Variants in COLEC11 observed in about 807,000 individuals in gnomAD.
COLEC11 encodes the protein collectin subfamily member 11, also known as collectin-11.
A neutral mutation model predicts 27.3 loss-of-function variants in COLEC11; 20 were observed. That is an observed-to-expected ratio of 0.73 (90% CI 0.51 to 1.06). The LOEUF (loss-of-function observed/expected upper bound fraction) is 1.06. Among genes scored for constraint, COLEC11 ranks in the 50% least tolerant of loss-of-function variants. COLEC11 has a pLI of 0.00. For synonymous variants in COLEC11, 163 were observed against 154.7 expected (o/e 1.05, Z -0.40); for missense variants, 310 against 383.0 (o/e 0.81, Z 1.59).
Position 3,610,007 on chromosome 2 carries a change from A to C in COLEC11, c.131-3304A>C, listed in dbSNP as rs556413456. 2.4e-4 allele frequency among the ~76,000 whole-genome samples: 36 copies of C among 152,394 alleles called. No individual in the cohort carries two copies. The South Asian group carries it at 7.0e-3, about 30-fold the overall frequency. ...AGATTAGAGACAGGCAGATGGATGC[A>C]GGTGGAGGTTGGTCAGAAGCTATCA... On this transcript the variant is annotated intron_variant, in intron 2 of 6. Transcript: ENST00000349077.
At chr2:3,615,536 T>A (rs922609963) in intron 3 of COLEC11, among the ~76,000 whole-genome samples, 4 of 152,362 alleles carry the variant, frequency 2.6e-5, no homozygotes, top group East Asian at 1.9e-4. Flanking sequence ...CATGTCTACT[T>A]CTTTCTACAC....
rs1338974754 is a variant in COLEC11 at position 3,644,501 on chromosome 2, A to G, written c.*383A>G. ...TGAATTACTACCTTTTAATTTCTAT[A>G]TGGAAAAGAACTCACTTTGACCAAC... On this transcript the variant is annotated 3_prime_UTR_variant, in exon 7 of 7. Coordinates refer to ENST00000349077, the MANE Select transcript of COLEC11 (RefSeq NM_024027.5). 8.5e-6 allele frequency: 4 copies of G among 472,206 alleles called. No individual in the cohort carries two copies. The highest frequency in any genetic ancestry group is 1.7e-5 in the Non-Finnish European group (4 of 239,850). The allele number at this position is 472,206 out of a possible 1,614,324, so 29.3% of individuals were successfully genotyped here.
rs1463464348 is a variant in COLEC11, at chr2:3,640,275, C to T, written c.275-3C>T. The T allele has an allele frequency of 3.8e-6, 6 of 1,591,086 alleles. No homozygotes were observed. The highest frequency in any genetic ancestry group is 5.2e-6 in the Non-Finnish European group (6 of 1,159,218). On this transcript the variant is annotated splice_region_variant and splice_polypyrimidine_tract_variant and intron_variant, in intron 4 of 6. Coordinates refer to ENST00000349077, the MANE Select transcript of COLEC11 (RefSeq NM_024027.5). The stretch of plus-strand genomic sequence containing the variant: ...TGACTTGGACCTTGTTTTTTATTTT[C>T]AGGTGAGAAAGGAGATTCCGGTGAC...
chr2:3,637,279 C>G (rs1414757086), intron 3 of COLEC11, among the ~76,000 whole-genome samples: 4 of 152,186 alleles, frequency 2.6e-5, no homozygotes, highest in Non-Finnish European at 2.9e-5. Context: ...GTGCCCCGTT[C>G]AGCCCCTCCA....
At chr2:3,603,302 G>A (rs959674080) in intron 1 of COLEC11, 15 of 178,558 alleles carry the variant, frequency 8.4e-5, no homozygotes, top group East Asian at 1.5e-4. Context: ...TTTGTTTTCC[G>A]AGTTTTATTT....
At chr2:3,601,843 G>A (rs924209028) in intron 1 of COLEC11, 3 of 152,244 alleles carry the variant, frequency 2.0e-5, no homozygotes, top group African/African-American at 7.2e-5. Context: ...AATGTTCATG[G>A]CAGTAACCCT....
rs562198101 is a variant in COLEC11, at chr2:3,601,731, G to A, written c.-26-2584G>A. Among the ~76,000 whole-genome samples the A allele has an allele frequency of 2.4e-4, 37 of 152,256 alleles. 2 individuals carry two copies. The Middle Eastern group carries it at 0.014, about 56-fold the overall frequency. On this transcript the variant is annotated intron_variant, in intron 1 of 6. Coordinates refer to ENST00000349077, the MANE Select transcript of COLEC11 (RefSeq NM_024027.5). ...TTCGGCAAGTGAAGCTCTCCCACGC[G>A]CGTGCCCAAGCCCTGGCTCCGCCCT... is the stretch of plus-strand genomic sequence containing the variant.
chr2:3,612,216 ACACACG>A (rs1410794064), intron 2 of COLEC11, among the ~76,000 whole-genome samples: 1 of 148,116 alleles, frequency 6.8e-6, no homozygotes, highest in Non-Finnish European at 1.5e-5. Context: ...GCACATGCGG[ACACACG>A]CACACACATG....
rs370178695 is a variant in COLEC11 at position 3,643,440 on chromosome 2, G to A, written c.329-4G>A. 3.1e-6 allele frequency: 5 copies of A among 1,612,684 alleles called. No individual in the cohort carries two copies. The South Asian group carries it at 3.3e-5, about 11-fold the overall frequency. The stretch of plus-strand genomic sequence containing the variant: ...TTTGTAACGCGTGGGCCTGGCCCCC[G>A]CAGGCCTCCCATGTGAGTGCAGCCA... On this transcript the variant is annotated splice_polypyrimidine_tract_variant and splice_region_variant and intron_variant, in intron 5 of 6. Coordinates refer to ENST00000349077, the MANE Select transcript of COLEC11 (RefSeq NM_024027.5).
rs181621694 is a variant in COLEC11, at chr2:3,637,669, G to C, written c.274+65G>C. The C allele has an allele frequency of 3.2e-6, 4 of 1,233,098 alleles. No homozygotes were observed. The Admixed American group carries it at 5.1e-5, about 16-fold the overall frequency. 76.4% of individuals were successfully genotyped at this position (1,233,098 alleles called of 1,614,324 possible). A position where few individuals can be genotyped will look rare whatever the true frequency, so the allele number is the denominator to read the frequency against. On this transcript the variant is annotated intron_variant, in intron 4 of 6. Coordinates refer to ENST00000349077, the MANE Select transcript of COLEC11 (RefSeq NM_024027.5). ...CCTAGGGTCAGCGTCTGGATACCCT[G>C]AGAATAATTGTAGCCTGAATTGTCT... is the stretch of plus-strand genomic sequence containing the variant.
chr2:3,616,394 A>G (rs970288067), intron 3 of COLEC11, among the ~76,000 whole-genome samples: 53 of 151,858 alleles, frequency 3.5e-4, no homozygotes, highest in African/African-American at 1.3e-3. Context: ...GCACTTTGGG[A>G]GGCCAAGGCA....
In COLEC11 at chr2:3,643,859, A is replaced by G. The variant is rs1666074592; in HGVS notation, c.557A>G (p.Asn186Ser). Reference protein sequence around the residue: ...TLSMPKDEAANGLMAAYLAQA... With the variant: ...TLSMPKDEAASGLMAAYLAQA... ...AGCATGCCCAAGGACGAGGCTGCCA[A>G]TGGCCTGATGGCCGCATACCTGGCG... The change falls in exon 7 of 7, where the codon AAT (asparagine) becomes AGT (serine). Residue 186 changes from asparagine (N) to serine (S), a missense_variant. Coordinates refer to ENST00000349077, the MANE Select transcript of COLEC11 (RefSeq NM_024027.5). 1.2e-6 allele frequency: 2 copies of G among 1,613,644 alleles called. No homozygotes were observed. Among genetic ancestry groups the G allele is most frequent in the Non-Finnish European group, 1.7e-6 (2 of 1,179,996 alleles).
chr2:3,595,370 G>A (rs2147833783), intron 1 of COLEC11, among the ~76,000 whole-genome samples: 1 of 152,356 alleles, frequency 6.6e-6, no homozygotes, highest in South Asian at 2.1e-4. Flanking sequence ...AGTTCATGGC[G>A]GAAATTCGTG....
rs140226372 is a variant in COLEC11, at chr2:3,644,045, C to T, written c.743C>T (p.Ser248Leu). 18 of 1,613,604 alleles carry T rather than the reference C, an allele frequency of 1.1e-5. No homozygotes were observed. The highest frequency in any genetic ancestry group is 1.3e-5 in the Non-Finnish European group (15 of 1,180,050). Residue 248 changes from serine (S) to leucine (L), a missense_variant, in exon 7 of 7, where the codon TCG becomes TTG. Ser to Leu is a moderately radical substitution (Grantham distance 145, BLOSUM62 -2). Coordinates refer to ENST00000349077, the MANE Select transcript of COLEC11 (RefSeq NM_024027.5). Reference sequence around the variant, plus strand: ...GAGGACTGCGTGGAGATGGTGGCCTCGGGCGGCTGGAACGACGTGGCCTGC... The same window carrying T: ...GAGGACTGCGTGGAGATGGTGGCCTTGGGCGGCTGGAACGACGTGGCCTGC... ...DEEDCVEMVA[S>L]GGWNDVACHT...
chr2:3,628,668 T>G lies in COLEC11; in HGVS notation c.203-8865T>G, dbSNP rs566153026. Among the ~76,000 whole-genome samples the G allele has an allele frequency of 3.9e-5, 6 of 152,340 alleles. No homozygotes were observed. In the East Asian group the frequency reaches 1.2e-3, roughly 29 times the overall value. On this transcript the variant is annotated intron_variant, in intron 3 of 6. Coordinates refer to ENST00000349077, the MANE Select transcript of COLEC11 (RefSeq NM_024027.5). ...TGCGGTTGGATGGCCTATTCTGAGA[T>G]AAAAAGCCAGGCCATGGCCCAGAGA...
At chr2:3,642,124 CTT>C (rs1283526465) in intron 5 of COLEC11, among the ~76,000 whole-genome samples, 1 of 152,176 alleles carries the variant, frequency 6.6e-6, no homozygotes, top group African/African-American at 2.4e-5. Flanking sequence ...CGAGAGAAGA[CTT>C]AGGACAGCTG....
intron 3 of COLEC11, among the ~76,000 whole-genome samples, chr2:3,623,659 A>ATTT (rs1664330213): frequency 6.6e-6 from 1 of 150,724 alleles, no homozygotes; most frequent in African/African-American, 2.4e-5. Context: ...TCTTTTTTTA[A>ATTT]AAAAAAATCT....
chr2:3,643,671 T>G, intron 6 of COLEC11, 56 bp from the exon 7 acceptor site: 3 of 1,612,400 alleles, frequency 1.9e-6, no homozygotes, highest in Non-Finnish European at 2.5e-6. Context: ...TGGCTGTGCC[T>G]TAAGTTTGTT....
chr2:3,624,445 T>C (rs1664387622), intron 3 of COLEC11, among the ~76,000 whole-genome samples: 1 of 152,200 alleles, frequency 6.6e-6, no homozygotes, highest in Admixed American at 6.5e-5. Flanking sequence ...TTCTCCTCCA[T>C]GTCAGTCACC....
Sources: gnomAD v4.1 joint callset for allele counts (sites outside exome capture counted in the v4.1 genomes callset) on GRCh38, gnomAD v4.1.1 for gene constraint, MANE v1.5 for transcripts, NCBI Gene and HGNC (gene_info 2026-07-23, HGNC 2026-07-21) for gene names.